The following RPP30 variants were observed in gnomAD, a reference collection of about 807,000 sequenced individuals.
RPP30 encodes the protein ribonuclease P protein subunit p30.
RPP30 carries 36 observed loss-of-function variants against 38.6 expected under a neutral mutation model. The ratio of observed to expected loss-of-function variants is 0.93; its 90% CI spans 0.71 to 1.23. RPP30 has a LOEUF of 1.23. RPP30 is among the 50% of genes most tolerant of loss of function. RPP30 has a pLI of 0.00. For synonymous variants in RPP30, 126 were observed against 112.7 expected (o/e 1.12, Z -0.75); for missense variants, 321 against 321.7 (o/e 1.00, Z 0.02).
At chr10:90,889,736 C>G (rs552106403) in intron 6 of RPP30, among the ~76,000 whole-genome samples, 6 of 152,070 alleles carry the variant, frequency 3.9e-5, no homozygotes, top group Non-Finnish European at 8.8e-5. Context: ...TGAAGGAGGG[C>G]CCAGGAGCTC....
chr10:90,889,565 G>A (rs1005435810), intron 6 of RPP30, among the ~76,000 whole-genome samples: 12 of 151,768 alleles, frequency 7.9e-5, no homozygotes, highest in African/African-American at 1.5e-4. Context: ...CACCCGCCTC[G>A]GCCAGGATAC....
chr10:90,876,579 G>A (rs1846855145), intron 4 of RPP30, among the ~76,000 whole-genome samples: 2 of 152,134 alleles, frequency 1.3e-5, no homozygotes, highest in Non-Finnish European at 2.9e-5. Context: ...ATGTTAAATA[G>A]GTGACAAGCA....
intron 6 of RPP30, among the ~76,000 whole-genome samples, chr10:90,888,060 T>C (rs533154991): frequency 6.6e-5 from 10 of 152,360 alleles, no homozygotes; most frequent in African/African-American, 1.9e-4. Flanking sequence ...TCTCTGTCTT[T>C]AGAAGTTTGC....
intron 10 of RPP30, among the ~76,000 whole-genome samples, chr10:90,896,608 G>A (rs1486007041): frequency 2.0e-5 from 3 of 152,142 alleles, no homozygotes; most frequent in African/African-American, 4.8e-5. Context: ...ACAGAAATAA[G>A]TATTGAATAG....
rs149193090 is a variant in RPP30 at position 90,885,890 on chromosome 10, C to G, written c.421C>G (p.Pro141Ala). The G allele has an allele frequency of 6.3e-7, 1 of 1,592,002 alleles. No homozygotes were observed. The highest frequency in any genetic ancestry group is 1.3e-5 in the African/African-American group (1 of 74,508). The change falls in exon 6 of 11, where the codon CCT (proline) becomes GCT (alanine). Residue 141 changes from proline to alanine, a missense_variant. Transcript: ENST00000371703. ...EKLPFYFKRP[P>A]INVAIDRGLA... ...ACTACCATTTTACTTCAAAAGACCT[C>G]CTATTAATGTGGTAAGTGTACTTTC... is the stretch of plus-strand genomic sequence containing the variant.
intron 1 of RPP30, among the ~76,000 whole-genome samples, chr10:90,874,576 G>A (rs1359384512): frequency 6.6e-6 from 1 of 152,180 alleles, no homozygotes; most frequent in Non-Finnish European, 1.5e-5. Context: ...TGTGTGCCAG[G>A]CACTGTTCTC....
chr10:90,874,922 C>G lies in RPP30; in HGVS notation c.136C>G (p.Gln46Glu). The change falls in exon 2 of 11, where the codon CAG becomes GAG. Residue 46 changes from glutamine (Q) to glutamate (E), a missense_variant and splice_region_variant. Transcript: ENST00000371703. ...NHIVDFKEKKQEIEKPVAVSE... is the reference protein window; with the variant it reads ...NHIVDFKEKKEEIEKPVAVSE... The stretch of plus-strand genomic sequence containing the variant: ...TATCGTTGACTTTAAGGAAAAGAAA[C>G]AGGTAAAATAATATTTCTAAAGTTA... The G allele has an allele frequency of 6.4e-7, 1 of 1,551,230 alleles. No individual in the cohort carries two copies. Among genetic ancestry groups the G allele is most frequent in the Non-Finnish European group, 8.8e-7 (1 of 1,131,188 alleles).
chr10:90,888,641 G>A (rs1237605916), intron 6 of RPP30, among the ~76,000 whole-genome samples: 2 of 152,122 alleles, frequency 1.3e-5, no homozygotes, highest in South Asian at 2.1e-4. Flanking sequence ...AGTATATGCC[G>A]TGAGGGAAGT....
downstream of RPP30, among the ~76,000 whole-genome samples, chr10:90,906,365 C>T (rs1847255229): frequency 6.6e-6 from 1 of 151,990 alleles, no homozygotes; most frequent in South Asian, 2.1e-4. Context: ...AAAGCAAGTG[C>T]CTGGATTTTT....
intron 6 of RPP30, among the ~76,000 whole-genome samples, chr10:90,893,017 A>G (rs1427676936): frequency 6.6e-6 from 1 of 152,244 alleles, no homozygotes; most frequent in African/African-American, 2.4e-5. Context: ...TATCTTAACA[A>G]ATGTCATTCC....
intron 6 of RPP30, among the ~76,000 whole-genome samples, chr10:90,886,758 A>G (rs1449169916): frequency 6.6e-6 from 1 of 152,226 alleles, no homozygotes; most frequent in Non-Finnish European, 1.5e-5. Flanking sequence ...TCAAAATTAC[A>G]TATCCAATCC....
chr10:90,902,349 G>A (rs1032405651), downstream of RPP30: 4 of 386,878 alleles, frequency 1.0e-5, no homozygotes, highest in Middle Eastern at 8.2e-4. Flanking sequence ...TCCCAAGTAA[G>A]TGGGACCAGA....
At chr10:90,904,747 G>A (rs1319134837), downstream of RPP30, among the ~76,000 whole-genome samples, 1 of 152,202 alleles carries the variant, frequency 6.6e-6, no homozygotes, top group African/African-American at 2.4e-5. Flanking sequence ...GGGAGGTAGA[G>A]GTTGCACTGA....
chr10:90,881,734 G>A (rs971876066), intron 5 of RPP30, among the ~76,000 whole-genome samples: 1 of 152,176 alleles, frequency 6.6e-6, no homozygotes, highest in African/African-American at 2.4e-5. Flanking sequence ...AGCAGTTTGT[G>A]TCTTAAGTTA....
chr10:90,878,982 T>A (rs1321547902), intron 4 of RPP30, 81 bp from the exon 5 acceptor site: 1 of 1,150,854 alleles, frequency 8.7e-7, no homozygotes, highest in African/African-American at 1.5e-5. Flanking sequence ...GATTGAAATA[T>A]AAGTGTGAGT....
At chr10:90,889,888 C>T (rs935776426) in intron 6 of RPP30, among the ~76,000 whole-genome samples, 2 of 152,196 alleles carry the variant, frequency 1.3e-5, no homozygotes, top group African/African-American at 4.8e-5. Context: ...GTCTAAGTAA[C>T]TTGTCATCGC....
rs1846890782 is a variant in RPP30 at position 90,879,140 on chromosome 10, T to A, written c.342+6T>A. 2.2e-5 allele frequency: 36 copies of A among 1,607,968 alleles called. No individual in the cohort carries two copies. Among genetic ancestry groups the A allele is most frequent in the Non-Finnish European group, 3.0e-5 (35 of 1,174,594 alleles). ...AGACAGAAAAGCTTTTTCATGTGAG[T>A]AACAGATAAGTAAAAGAAAGTAGTG... On this transcript the variant is annotated splice_donor_region_variant and intron_variant, in intron 5 of 10. Coordinates refer to ENST00000371703, the MANE Select transcript of RPP30 (RefSeq NM_006413.5).
At chr10:90,895,800 ATTTTC>A in intron 8 of RPP30, 75 bp from the exon 9 acceptor site, 22 of 1,062,642 alleles carry the variant, frequency 2.1e-5, no homozygotes, top group Non-Finnish European at 2.9e-5. Context: ...GGATACTTAA[ATTTTC>A]TATTAATTTG....
At chr10:90,896,143 T>G (rs1275637657) in intron 9 of RPP30, among the ~76,000 whole-genome samples, 170 bp from the exon 10 acceptor site, 1 of 152,206 alleles carries the variant, frequency 6.6e-6, no homozygotes, top group African/African-American at 2.4e-5. Flanking sequence ...TGATAAAAGC[T>G]TAGAGTTAAA....
Sources: allele counts gnomAD v4.1 joint callset (sites outside exome capture counted in the v4.1 genomes callset), GRCh38; gene constraint gnomAD v4.1.1; transcripts MANE v1.5; gene names NCBI Gene and HGNC (gene_info 2026-07-23, HGNC 2026-07-21).